The following TEAD3 variants were observed in gnomAD, a reference collection of about 807,000 sequenced individuals.
The protein encoded by TEAD3 is TEA domain transcription factor 3.
TEAD3 carries 15 observed loss-of-function variants against 55.6 expected under a neutral mutation model. The ratio of observed to expected loss-of-function variants is 0.27; its 90% confidence interval spans 0.18 to 0.42. The LOEUF (loss-of-function observed/expected upper bound fraction) is 0.42, where lower values mean the gene tolerates loss of function less well. TEAD3 is among the 10% of genes least tolerant of loss of function. The probability of loss-of-function intolerance (pLI) is 1.00; values close to 1 mark genes in which losing one functional copy is unlikely to be tolerated. For synonymous variants in TEAD3, 210 were observed against 232.2 expected (o/e 0.90, Z 0.87); for missense variants, 407 against 576.8 (o/e 0.71, Z 3.01).
At chr6:35,479,415 G>A in intron 4 of TEAD3, 99 bp from the exon 5 acceptor site, 4 of 1,483,540 alleles carry the variant, frequency 2.7e-6, no homozygotes, top group South Asian at 2.3e-5. Context: ...AGTGCCCATG[G>A]GTTTTAGCTT....
At chr6:35,478,551 T>C (rs750701710) in exon 6 of TEAD3, 7 of 1,596,560 alleles carry the variant, frequency 4.4e-6, no homozygotes, top group Admixed American at 1.8e-5. Flanking sequence ...TCTGAAGGGC[T>C]TTGTCCTTGG....
At chr6:35,476,824 G>GT (rs35575806) in intron 8 of TEAD3, among the ~76,000 whole-genome samples, 1 of 151,966 alleles carries the variant, frequency 6.6e-6, no homozygotes, top group Non-Finnish European at 1.5e-5. Context: ...ATTGGCTATG[G>GT]TTTTTTTGTT....
At chr6:35,478,213 A>AG in intron 7 of TEAD3, 62 bp downstream of exon 7, 1 of 1,598,772 alleles carries the variant, frequency 6.3e-7, no homozygotes, top group South Asian at 1.1e-5. Flanking sequence ...CCCAAATGGG[A>AG]GGGAAGCCCT....
intron 1 of TEAD3, among the ~76,000 whole-genome samples, chr6:35,489,406 G>C (rs1263543523): frequency 6.6e-6 from 1 of 152,196 alleles, no homozygotes; most frequent in Non-Finnish European, 1.5e-5. Context: ...GGTGCTGAGA[G>C]ACCCCACCAC....
At chr6:35,478,633 G>C in intron 5 of TEAD3, 62 bp from the exon 6 acceptor site, 1 of 1,531,408 alleles carries the variant, frequency 6.5e-7, no homozygotes, top group South Asian at 1.2e-5. Flanking sequence ...TTGCTTTAGC[G>C]CCCCTCCCAT....
chr6:35,488,228 C>T lies in TEAD3; in HGVS notation c.-49-1517G>A, dbSNP rs912783665. Among the ~76,000 whole-genome samples, 1 of 152,188 alleles carries T rather than the reference C, an allele frequency of 6.6e-6. No homozygotes were observed. Among genetic ancestry groups the T allele is most frequent in the Non-Finnish European group, 1.5e-5 (1 of 68,038 alleles). ...CTCTATCCCACTTCCTGTTCCCGCA[C>T]CTCCAGGCCCCACAGCAGCCCGTAA... On this transcript the variant is annotated intron_variant, in intron 1 of 12. Coordinates refer to ENST00000639578, the Ensembl canonical transcript of TEAD3. The surrounding 1 kb of genome is among the most constrained non-coding windows in gnomAD (Gnocchi z 4.2).
chr6:35,496,523 G>C lies in TEAD3; in HGVS notation c.-50+375C>G, dbSNP rs941895537. Among the ~76,000 whole-genome samples, 6 of 152,150 alleles carry C rather than the reference G, an allele frequency of 3.9e-5. No individual in the cohort carries two copies. Among genetic ancestry groups the C allele is most frequent in the Admixed American group, 3.3e-4 (5 of 15,296 alleles). ...AGGGCGGCGGGGCCCGGGACTGGGCGCCCCGGATATGAGCTCCAGGGTGGC... is the reference window on the plus strand; with the variant it reads ...AGGGCGGCGGGGCCCGGGACTGGGCCCCCCGGATATGAGCTCCAGGGTGGC... On this transcript the variant is annotated intron_variant, in intron 1 of 12. Transcript: ENST00000639578. The surrounding 1 kb of genome is among the most constrained non-coding windows in gnomAD (Gnocchi z 4.8).
At chr6:35,478,125 T>C (rs777584186) in intron 7 of TEAD3, 150 bp downstream of exon 7, 2 of 934,456 alleles carry the variant, frequency 2.1e-6, no homozygotes, top group Admixed American at 4.6e-5. Flanking sequence ...AGTGCTAGGA[T>C]TGATTACAGG....
downstream of TEAD3, chr6:35,474,524 C>G (rs954824032): frequency 6.4e-6 from 1 of 155,346 alleles, no homozygotes; most frequent in African/African-American, 2.4e-5. Flanking sequence ...TGTGCGGAGT[C>G]TGAGGACCAC....
intron 1 of TEAD3, among the ~76,000 whole-genome samples, chr6:35,492,626 T>TA (rs1433446058): frequency 2.3e-5 from 3 of 129,442 alleles, no homozygotes; most frequent in African/African-American, 8.6e-5. Flanking sequence ...CCCTGCTTAT[T>TA]AATGTGCTTC....
Position 35,475,454 on chromosome 6 carries a change from A to C in TEAD3, c.1076T>G (p.Val359Gly), listed in dbSNP as rs1252447877. ...CATGGGCGAGCGGTGGATACGGTAC[A>C]CAAAGCGCCCGTTCTCCAGCCTGGC... The change falls in exon 12 of 13, where the codon GTG becomes GGG. Residue 359 changes from valine to glycine, a missense_variant. Coordinates refer to ENST00000639578, the Ensembl canonical transcript of TEAD3. This position sits in a 1 kb window ranked among gnomAD's most constrained non-coding sequence, Gnocchi z 5.4. 6.2e-7 allele frequency: 1 copy of C among 1,613,638 alleles called. No individual in the cohort carries two copies. The highest frequency in any genetic ancestry group is 1.3e-5 in the African/African-American group (1 of 74,894).
At position 35,486,636 on chromosome 6, in the gene TEAD3, G is replaced by A; in HGVS notation, c.27C>T (p.Ser9=). The stretch of plus-strand genomic sequence containing the variant: ...CCTCCCGGGCCTCCCCGGGGCTGCT[G>A]CTGGCGTTCCAGCTGTTGGACGCTA... The change falls in exon 2 of 13, where the codon AGC becomes AGT. Residue 9 remains serine (S), a synonymous_variant. Coordinates refer to ENST00000639578, the Ensembl canonical transcript of TEAD3. The surrounding 1 kb of genome is among the most constrained non-coding windows in gnomAD (Gnocchi z 7.3). The A allele has an allele frequency of 3.1e-6, 5 of 1,612,982 alleles. No homozygotes were observed. Among genetic ancestry groups the A allele is most frequent in the African/African-American group, 2.7e-5 (2 of 75,068 alleles).
In TEAD3 at chr6:35,475,627, A is replaced by G; in HGVS notation, c.980T>C (p.Met327Thr). 23 of 1,613,692 alleles carry G rather than the reference A, an allele frequency of 1.4e-5. No individual in the cohort carries two copies. Among genetic ancestry groups the G allele is most frequent in the Non-Finnish European group, 1.9e-5 (23 of 1,179,674 alleles). ...CACCTTGGTGGAGACGCTGATGGTC[A>G]TGCTATCAGCAGAGCTGTACTGAGA... Residue 327 changes from methionine (M) to threonine (T), a missense_variant, in exon 11 of 13, where the codon ATG becomes ACG. Met to Thr is a moderately conservative substitution (Grantham distance 81, BLOSUM62 -1). Transcript: ENST00000639578. The surrounding 1 kb of genome is among the most constrained non-coding windows in gnomAD (Gnocchi z 5.4).
At chr6:35,494,242 T>G (rs1252331631) in intron 1 of TEAD3, among the ~76,000 whole-genome samples, 3 of 152,208 alleles carry the variant, frequency 2.0e-5, no homozygotes, top group Non-Finnish European at 4.4e-5. Context: ...CTTCCTGCCC[T>G]TTCAGGCCTG....
chr6:35,492,828 C>T (rs1438823669), intron 1 of TEAD3, among the ~76,000 whole-genome samples: 1 of 152,112 alleles, frequency 6.6e-6, no homozygotes, highest in East Asian at 1.9e-4. Flanking sequence ...CTCAAGTCCC[C>T]TGTAGAGAGA....
rs1768347781 is a variant in TEAD3 at position 35,485,127 on chromosome 6, C to T, written c.203-503G>A. 1.3e-5 allele frequency among the ~76,000 whole-genome samples: 2 copies of T among 152,220 alleles called. No homozygotes were observed. Among genetic ancestry groups the T allele is most frequent in the Non-Finnish European group, 2.9e-5 (2 of 68,028 alleles). ...GTCCTGCCCTTGCTCTGTCTTTACC[C>T]TGGTCAAGTCCCTTCCCTTCTCTGG... On this transcript the variant is annotated intron_variant, in intron 2 of 12. Transcript: ENST00000639578. This position sits in a 1 kb window ranked among gnomAD's most constrained non-coding sequence, Gnocchi z 4.3.
At chr6:35,474,166 T>A (rs1768092623), downstream of TEAD3, 1 of 152,244 alleles carries the variant, frequency 6.6e-6, no homozygotes, top group Admixed American at 6.5e-5. Context: ...TCTACCTTGC[T>A]CTCAATCTGG....
Position 35,475,721 on chromosome 6 carries a change from G to T in TEAD3, c.901-15C>A. The stretch of plus-strand genomic sequence containing the variant: ...TTGAGGTCGGCCTGGGCATGGGGGT[G>T]GGGGGTGTTAGGTGCTGGCAGAGAC... On this transcript the variant is annotated splice_polypyrimidine_tract_variant and intron_variant, in intron 10 of 12. Transcript: ENST00000639578. The surrounding 1 kb of genome is among the most constrained non-coding windows in gnomAD (Gnocchi z 5.4). 1.9e-6 allele frequency: 3 copies of T among 1,570,458 alleles called. No homozygotes were observed. Among genetic ancestry groups the T allele is most frequent in the Non-Finnish European group, 2.6e-6 (3 of 1,157,614 alleles).
At chr6:35,492,891 C>T (rs187753999) in intron 1 of TEAD3, among the ~76,000 whole-genome samples, 271 of 152,246 alleles carry the variant, frequency 1.8e-3, no homozygotes, top group Non-Finnish European at 2.7e-3. Context: ...TGACTTATCT[C>T]CTCATCTTGT....
Sources: gnomAD v4.1 joint callset for allele counts (sites outside exome capture counted in the v4.1 genomes callset) on GRCh38, gnomAD v4.1.1 for gene constraint, Gnocchi (gnomAD v3.1) non-coding constraint, MANE v1.5 for transcripts, NCBI Gene and HGNC (gene_info 2026-07-23, HGNC 2026-07-21) for gene names.